The following SH3RF2 variants were observed in gnomAD, a reference collection of about 807,000 sequenced individuals.
The protein encoded by SH3RF2 is E3 ubiquitin-protein ligase SH3RF2.
Under a neutral mutation model 59.0 loss-of-function variants are expected in SH3RF2, and 43 were observed. The ratio of observed to expected loss-of-function variants is 0.73; its 90% CI spans 0.57 to 0.94. The LOEUF (loss-of-function observed/expected upper bound fraction) is 0.94, where lower values mean the gene tolerates loss of function less well. SH3RF2 is among the 40% of genes least tolerant of loss of function. SH3RF2 has a pLI of 0.00. For synonymous variants in SH3RF2, 391 were observed against 391.5 expected (o/e 1.00, Z 0.01); for missense variants, 930 against 940.1 (o/e 0.99, Z 0.14).
At chr5:145,937,545 T>C (rs1187067836) in intron 1 of SH3RF2, among the ~76,000 whole-genome samples, 2 of 151,916 alleles carry the variant, frequency 1.3e-5, no homozygotes, top group Non-Finnish European at 2.9e-5. Flanking sequence ...TAGAGAGGGG[T>C]TGGGGGGCCA....
At chr5:145,993,938 G>T (rs1760050371) in intron 2 of SH3RF2, among the ~76,000 whole-genome samples, 1 of 152,212 alleles carries the variant, frequency 6.6e-6, no homozygotes, top group Non-Finnish European at 1.5e-5. Flanking sequence ...CACATTGTCA[G>T]ACTGCAAATT....
intron 2 of SH3RF2, chr5:145,997,547 G>A: frequency 1.2e-6 from 2 of 1,607,840 alleles, no homozygotes; most frequent in Non-Finnish European, 1.7e-6. Context: ...TTCCGAAAAT[G>A]GGAGTTATTA....
chr5:145,990,580 A>G (rs1309412241), intron 2 of SH3RF2, among the ~76,000 whole-genome samples: 1 of 152,218 alleles, frequency 6.6e-6, no homozygotes. Flanking sequence ...AAGCAACAAC[A>G]TAATTTTATT....
At chr5:146,076,548 T>C (rs1580963360) in intron 9 of SH3RF2, among the ~76,000 whole-genome samples, 1 of 152,356 alleles carries the variant, frequency 6.6e-6, no homozygotes, top group East Asian at 1.9e-4. Flanking sequence ...TTTATTGACA[T>C]GGTGAGACGC....
intron 6 of SH3RF2, 36 bp downstream of exon 6, chr5:146,047,899 G>A (rs1464068019): frequency 2.5e-6 from 4 of 1,584,696 alleles, no homozygotes; most frequent in Non-Finnish European, 3.5e-6. Context: ...CCAAGTCCTG[G>A]CACAAAGGGG....
chr5:145,999,976 CAAT>C lies in SH3RF2; in HGVS notation c.379-79_379-77del. On this transcript the variant is annotated intron_variant, in intron 2 of 9. Coordinates refer to ENST00000359120, the MANE Select transcript of SH3RF2 (RefSeq NM_152550.4). ...TTGCAAAGCATGTTAAAGCAAAGTACAATAAAAGGGGGAATGCTTGTATCTTCT... is the reference window on the plus strand; with the variant it reads ...TTGCAAAGCATGTTAAAGCAAAGTACAAAAGGGGGAATGCTTGTATCTTCT... 3 of 1,514,354 alleles carry C rather than the reference CAAT, an allele frequency of 2.0e-6. No homozygotes were observed. In the South Asian group the frequency reaches 3.9e-5, roughly 20 times the overall value. The allele number at this position is 1,514,354 out of a possible 1,614,324, so 93.8% of individuals were successfully genotyped here. A position where few individuals can be genotyped will look rare whatever the true frequency, so the allele number is the denominator to read the frequency against.
intron 2 of SH3RF2, among the ~76,000 whole-genome samples, chr5:145,996,399 C>T (rs1425035767): frequency 1.3e-5 from 2 of 152,096 alleles, no homozygotes; most frequent in Admixed American, 6.5e-5. Flanking sequence ...CAGCAGACTT[C>T]GAGCAAGACT....
chr5:146,071,861 G>C (rs1218354008), intron 9 of SH3RF2, among the ~76,000 whole-genome samples: 1 of 152,162 alleles, frequency 6.6e-6, no homozygotes, highest in Admixed American at 6.5e-5. Context: ...GCAAGTTCAG[G>C]CATGTCCAGC....
intron 3 of SH3RF2, among the ~76,000 whole-genome samples, chr5:146,001,048 A>C (rs898768674): frequency 2.0e-5 from 3 of 152,232 alleles, no homozygotes; most frequent in African/African-American, 7.2e-5. Flanking sequence ...ACAATAACAT[A>C]ATCGTGCCTT....
intron 2 of SH3RF2, among the ~76,000 whole-genome samples, chr5:145,976,458 G>A (rs1202489943): frequency 1.3e-5 from 2 of 151,684 alleles, no homozygotes; most frequent in African/African-American, 2.4e-5. Flanking sequence ...AAAAAAAAAG[G>A]TGGGGGGCGG....
At chr5:146,067,314 C>T (rs770472837), downstream of SH3RF2, among the ~76,000 whole-genome samples, 1 of 152,166 alleles carries the variant, frequency 6.6e-6, no homozygotes, top group African/African-American at 2.4e-5. Context: ...AGGGTCAAGG[C>T]GGCTTCAAAT....
intron 2 of SH3RF2, among the ~76,000 whole-genome samples, chr5:145,963,229 A>G (rs1391663045): frequency 6.7e-6 from 1 of 149,542 alleles, no homozygotes; most frequent in Non-Finnish European, 1.5e-5. Flanking sequence ...CTTGCACAAA[A>G]TAAATACTGG....
chr5:146,034,417 C>G (rs1761855578), intron 5 of SH3RF2, among the ~76,000 whole-genome samples: 1 of 152,150 alleles, frequency 6.6e-6, no homozygotes. Context: ...CTGTTTAAAT[C>G]TCATTTGAGA....
Position 145,937,836 on chromosome 5 carries a change from C to T in SH3RF2, c.-93C>T. 5 of 1,462,970 alleles carry T rather than the reference C, an allele frequency of 3.4e-6. No homozygotes were observed. Among genetic ancestry groups the T allele is most frequent in the African/African-American group, 1.4e-5 (1 of 70,738 alleles). 90.6% of individuals were successfully genotyped at this position (1,462,970 alleles called of 1,614,324 possible). A position where few individuals can be genotyped will look rare whatever the true frequency, so the allele number is the denominator to read the frequency against. On this transcript the variant is annotated 5_prime_UTR_variant, in exon 2 of 10. The change creates a new upstream start codon in the 5' untranslated region. Transcript: ENST00000359120. ...TCCTTCAAGCAGGCAAAAATTCTGACGTTCTCAAGAGACCAGCTCTGCCCC... is the reference window on the plus strand; with the variant it reads ...TCCTTCAAGCAGGCAAAAATTCTGATGTTCTCAAGAGACCAGCTCTGCCCC...
chr5:146,016,889 G>A (rs941886880), intron 5 of SH3RF2, among the ~76,000 whole-genome samples: 4 of 152,024 alleles, frequency 2.6e-5, no homozygotes, highest in Non-Finnish European at 5.9e-5. Context: ...CTATCACTTT[G>A]TTTCTTTATG....
intron 5 of SH3RF2, among the ~76,000 whole-genome samples, chr5:146,026,447 A>G (rs952556357): frequency 2.2e-4 from 33 of 152,206 alleles, no homozygotes; most frequent in Non-Finnish European, 4.6e-4. Flanking sequence ...TGGAATGACA[A>G]AAGTGGCTTG....
At chr5:145,960,127 G>A (rs1006744664) in intron 2 of SH3RF2, among the ~76,000 whole-genome samples, 9 of 152,110 alleles carry the variant, frequency 5.9e-5, no homozygotes, top group Non-Finnish European at 8.8e-5. Flanking sequence ...ATCATTGCCC[G>A]CTGCAGCCTC....
At chr5:146,027,271 G>C (rs888074522) in intron 5 of SH3RF2, among the ~76,000 whole-genome samples, 1 of 152,202 alleles carries the variant, frequency 6.6e-6, no homozygotes, top group South Asian at 2.1e-4. Context: ...AAAAGACTTT[G>C]GATAAAAAAG....
chr5:145,949,524 G>A (rs1391645809), intron 2 of SH3RF2, among the ~76,000 whole-genome samples: 1 of 152,130 alleles, frequency 6.6e-6, no homozygotes, highest in Non-Finnish European at 1.5e-5. Flanking sequence ...AGAAATGGAG[G>A]GGCAGAAGAG....
Sources: gnomAD v4.1 joint callset for allele counts (sites outside exome capture counted in the v4.1 genomes callset) on GRCh38, gnomAD v4.1.1 for gene constraint, MANE v1.5 for transcripts, NCBI Gene and HGNC (gene_info 2026-07-23, HGNC 2026-07-21) for gene names.